PIK3R4: variants seen among roughly 807,000 people sequenced by gnomAD.
The protein encoded by PIK3R4 is phosphoinositide-3-kinase regulatory subunit 4.
PIK3R4 carries 46 observed loss-of-function variants against 136.5 expected under a neutral mutation model. That is an observed-to-expected ratio of 0.34 (90% CI 0.27 to 0.43). The LOEUF (loss-of-function observed/expected upper bound fraction) is 0.43, where lower values mean the gene tolerates loss of function less well. PIK3R4 is among the 20% of genes least tolerant of loss of function. The pLI, the probability that PIK3R4 is intolerant of heterozygous loss-of-function variation, is 1.00. For missense variants in PIK3R4, 1,331 were observed against 1,649.5 expected (o/e 0.81, Z 3.35); for synonymous variants, 557 against 566.7 (o/e 0.98, Z 0.24).
intron 13 of PIK3R4, among the ~76,000 whole-genome samples, chr3:130,693,084 C>T (rs1002269322): frequency 6.6e-6 from 1 of 152,106 alleles, no homozygotes; most frequent in Non-Finnish European, 1.5e-5. Context: ...TGAAATCATA[C>T]AATATGTGGC....
intron 3 of PIK3R4, among the ~76,000 whole-genome samples, chr3:130,735,618 G>T (rs1434116584): frequency 6.6e-6 from 1 of 152,072 alleles, no homozygotes; most frequent in Non-Finnish European, 1.5e-5. Flanking sequence ...TCTGTAAAAA[G>T]CACACTGAAG....
chr3:130,700,755 CT>C (rs1249507922), intron 13 of PIK3R4, among the ~76,000 whole-genome samples: 3 of 152,222 alleles, frequency 2.0e-5, no homozygotes, highest in Non-Finnish European at 2.9e-5. Context: ...CTGCCACCAG[CT>C]GTTTCCCACT....
chr3:130,730,445 A>G lies in PIK3R4; in HGVS notation c.1451-3T>C. ...TTCTGCCAGCAGAGCTATGTTTTCT[A>G]TAAAATAAAAAGGAAGAAAATTTAT... On this transcript the variant is annotated splice_region_variant and splice_polypyrimidine_tract_variant and intron_variant, in intron 4 of 19. Transcript: ENST00000356763. 1.3e-6 allele frequency: 2 copies of G among 1,557,622 alleles called. No homozygotes were observed. Among genetic ancestry groups the G allele is most frequent in the Non-Finnish European group, 1.7e-6 (2 of 1,159,392 alleles).
chr3:130,680,394 C>G, intron 19 of PIK3R4: 1 of 327,400 alleles, frequency 3.1e-6, no homozygotes, highest in East Asian at 5.9e-5. Context: ...TTATAAAGTA[C>G]ATACTGGTCA....
chr3:130,721,986 T>A (rs1025932099), intron 7 of PIK3R4, among the ~76,000 whole-genome samples: 4 of 152,050 alleles, frequency 2.6e-5, no homozygotes, highest in African/African-American at 9.7e-5. Flanking sequence ...TATCAAAATA[T>A]CATGTTGAAC....
In PIK3R4 at chr3:130,679,124, A is replaced by T; in HGVS notation, c.*191T>A. The T allele has an allele frequency of 2.8e-6, 1 of 353,938 alleles. No individual in the cohort carries two copies. 21.9% of individuals were successfully genotyped at this position (353,938 alleles called of 1,614,324 possible). On this transcript the variant is annotated 3_prime_UTR_variant, in exon 20 of 20. Coordinates refer to ENST00000356763, the MANE Select transcript of PIK3R4 (RefSeq NM_014602.3). The stretch of plus-strand genomic sequence containing the variant: ...ATTGTTGGCTGGCTGATTCTTGCAA[A>T]GAGATGCATAAGTAAACTAGTCAAG...
Position 130,690,613 on chromosome 3 carries a change from G to A in PIK3R4, c.3140C>T (p.Thr1047Met), listed in dbSNP as rs749751291. 70 of 1,610,366 alleles carry A rather than the reference G, an allele frequency of 4.3e-5. No individual in the cohort carries two copies. The highest frequency in any genetic ancestry group is 3.3e-4 in the Middle Eastern group (2 of 6,072). ...GTGGGAGCCTTGGCAGAATGTGAGCGTCTTGACTCGTCCTCCAATTCGGCT... is the reference window on the plus strand; with the variant it reads ...GTGGGAGCCTTGGCAGAATGTGAGCATCTTGACTCGTCCTCCAATTCGGCT... ...TYSRIGGRVK[T>M]LTFCQGSHYL... The change falls in exon 14 of 20, where the codon ACG (threonine) becomes ATG (methionine). Residue 1047 changes from threonine (T) to methionine (M), a missense_variant. By Grantham distance (81) the Thr-to-Met change is moderately conservative (BLOSUM62 -1). Transcript: ENST00000356763.
chr3:130,682,140 T>G (rs946475808), intron 16 of PIK3R4, among the ~76,000 whole-genome samples: 1 of 152,106 alleles, frequency 6.6e-6, no homozygotes, highest in Non-Finnish European at 1.5e-5. Flanking sequence ...AATGGTACCT[T>G]ATGTGGCAAA....
chr3:130,725,786 A>T (rs2066728079), intron 6 of PIK3R4: 1 of 152,052 alleles, frequency 6.6e-6, no homozygotes, highest in Admixed American at 6.5e-5. Context: ...AGCCAAAATA[A>T]TGAATTTTAA....
intron 6 of PIK3R4, among the ~76,000 whole-genome samples, chr3:130,726,724 G>A (rs570918774): frequency 4.5e-4 from 69 of 151,786 alleles, no homozygotes; most frequent in African/African-American, 1.5e-3. Context: ...AGTAATATAA[G>A]CATATTTATT....
intron 14 of PIK3R4, among the ~76,000 whole-genome samples, chr3:130,687,863 AC>A (rs1322155281): frequency 1.3e-5 from 2 of 152,058 alleles, no homozygotes; most frequent in Non-Finnish European, 2.9e-5. Flanking sequence ...TTTCCCACAC[AC>A]CTGGAATCAA....
At chr3:130,707,745 G>A (rs762892955) in intron 10 of PIK3R4, among the ~76,000 whole-genome samples, 3 of 152,200 alleles carry the variant, frequency 2.0e-5, no homozygotes, top group Non-Finnish European at 4.4e-5. Context: ...AAAAGGGTAT[G>A]CACAGGATCT....
Position 130,692,081 on chromosome 3 carries a change from T to C in PIK3R4, c.3099-1427A>G, listed in dbSNP as rs2066522831. On this transcript the variant is annotated intron_variant, in intron 13 of 19. Coordinates refer to ENST00000356763, the MANE Select transcript of PIK3R4 (RefSeq NM_014602.3). ...TAATAGAGGCAGGGTTTCACCATGT[T>C]AGCCAGAATGGTCTCGATCTCCCAA... Among the ~76,000 whole-genome samples the C allele has an allele frequency of 2.0e-5, 3 of 151,922 alleles. No individual in the cohort carries two copies. In the South Asian group the frequency reaches 6.2e-4, roughly 32 times the overall value.
Position 130,679,272 on chromosome 3 carries a change from T to C in PIK3R4, c.*43A>G. 3 of 1,225,270 alleles carry C rather than the reference T, an allele frequency of 2.4e-6. No individual in the cohort carries two copies. The highest frequency in any genetic ancestry group is 3.4e-6 in the Non-Finnish European group (3 of 893,810). 75.9% of individuals were successfully genotyped at this position (1,225,270 alleles called of 1,614,324 possible). ...AGAAATGCCTTTTCTCGAGTTATAG[T>C]ATTATATTTATAACTATTAAAATTT... is the stretch of plus-strand genomic sequence containing the variant. On this transcript the variant is annotated 3_prime_UTR_variant, in exon 20 of 20. Transcript: ENST00000356763.
At position 130,733,710 on chromosome 3, in the gene PIK3R4, C is replaced by T; in HGVS notation, c.1288G>A (p.Val430Ile). Reference sequence around the variant, plus strand: ...AAGGCTTCAGCCCTCACCCTAGGAACAGAGTCATTGCTGAAATGCAAAAGA... The same window carrying T: ...AAGGCTTCAGCCCTCACCCTAGGAATAGAGTCATTGCTGAAATGCAAAAGA... ...PYLLHFSNDSVPRVRAEALRT... is the reference protein window; with the variant it reads ...PYLLHFSNDSIPRVRAEALRT... The change falls in exon 4 of 20, where the codon GTT (valine) becomes ATT (isoleucine). Residue 430 changes from valine to isoleucine, a missense_variant. Val to Ile is a conservative substitution (Grantham distance 29). Transcript: ENST00000356763. 6.2e-7 allele frequency: 1 copy of T among 1,614,154 alleles called. No homozygotes were observed.
At position 130,708,377 on chromosome 3, in the gene PIK3R4, T is replaced by G; in HGVS notation, c.2447A>C (p.Lys816Thr). The part of the protein sequence containing the change: ...DQSHLHDSSQ[K>T]GVIDLAALGI... ...TAAAGCTGCCAAGTCAATTACACCT[T>G]TCTGACTACTATCATGAAGATGGCT... Residue 816 changes from lysine to threonine, a missense_variant, in exon 10 of 20, where the codon AAA becomes ACA. Transcript: ENST00000356763. The G allele has an allele frequency of 1.2e-6, 2 of 1,613,804 alleles. No homozygotes were observed. Among genetic ancestry groups the G allele is most frequent in the East Asian group, 2.2e-5 (1 of 44,858 alleles).
At chr3:130,722,156 T>G (rs2066704657) in intron 7 of PIK3R4, among the ~76,000 whole-genome samples, 1 of 145,230 alleles carries the variant, frequency 6.9e-6, no homozygotes, top group African/African-American at 2.5e-5. Flanking sequence ...CTAAAATTGT[T>G]TTTTACTTTT....
At chr3:130,704,909 C>A (rs1307949069) in intron 12 of PIK3R4, among the ~76,000 whole-genome samples, 3 of 152,108 alleles carry the variant, frequency 2.0e-5, no homozygotes, top group South Asian at 4.1e-4. Context: ...CAGCTCACTG[C>A]AACCTCTACC....
At chr3:130,708,573 G>A in intron 9 of PIK3R4, 81 bp from the exon 10 acceptor site, 2 of 1,208,574 alleles carry the variant, frequency 1.7e-6, no homozygotes, top group Middle Eastern at 2.2e-4. Flanking sequence ...ACAACTGAAG[G>A]GACAAATCAC....
Sources: gnomAD v4.1 joint callset for allele counts (sites outside exome capture counted in the v4.1 genomes callset) on GRCh38, gnomAD v4.1.1 for gene constraint, MANE v1.5 for transcripts, NCBI Gene and HGNC (gene_info 2026-07-23, HGNC 2026-07-21) for gene names.